The following HRG variants were observed in gnomAD, a reference collection of about 807,000 sequenced individuals.
The protein encoded by HRG is histidine rich glycoprotein.
A neutral mutation model predicts 29.5 loss-of-function variants in HRG; 26 were observed. The ratio of observed to expected loss-of-function variants is 0.88; its 90% CI spans 0.65 to 1.22. The LOEUF (loss-of-function observed/expected upper bound fraction) is 1.22. Ranked by LOEUF, HRG falls within the 50% of genes most tolerant of loss-of-function variation. The pLI is 0.00. For missense variants in HRG, 671 were observed against 654.5 expected, an observed-to-expected ratio of 1.03 and a Z score of -0.28; for synonymous variants, 243 against 240.4, an observed-to-expected ratio of 1.01 and a Z score of -0.10.
intron 1 of HRG, among the ~76,000 whole-genome samples, chr3:186,668,225 G>A (rs1438300654): frequency 1.3e-5 from 2 of 152,182 alleles, no homozygotes; most frequent in African/African-American, 4.8e-5. Context: ...GGAAACTGAG[G>A]CAAGAGACAG....
At chr3:186,676,344 G>T (rs1040758584) in intron 6 of HRG, among the ~76,000 whole-genome samples, 3 of 151,326 alleles carry the variant, frequency 2.0e-5, no homozygotes, top group African/African-American at 7.3e-5. Context: ...TCATAATATT[G>T]TTTCACCACT....
chr3:186,667,566 G>A (rs1718653495), intron 1 of HRG, among the ~76,000 whole-genome samples: 1 of 151,952 alleles, frequency 6.6e-6, no homozygotes, highest in Admixed American at 6.6e-5. Context: ...TAAATGTACT[G>A]GAGCAATTTA....
intron 6 of HRG, 145 bp downstream of exon 6, chr3:186,675,335 G>A: frequency 1.5e-6 from 1 of 672,578 alleles, no homozygotes; most frequent in South Asian, 1.5e-5. Flanking sequence ...GAGAGAGACA[G>A]AGACAGAGAC....
At chr3:186,671,557 C>G in intron 3 of HRG, 66 bp from the exon 4 acceptor site, 1 of 1,507,096 alleles carries the variant, frequency 6.6e-7, no homozygotes, top group Non-Finnish European at 9.2e-7. Flanking sequence ...TATTGTCATT[C>G]TTGCCACCAA....
intron 6 of HRG, among the ~76,000 whole-genome samples, chr3:186,676,297 C>A (rs1718986673): frequency 6.6e-6 from 1 of 151,890 alleles, no homozygotes; most frequent in Non-Finnish European, 1.5e-5. Context: ...TTATAAGGCA[C>A]TAGTTTTCCA....
chr3:186,674,065 T>C (rs1337869175), intron 5 of HRG: 2 of 152,202 alleles, frequency 1.3e-5, no homozygotes, highest in East Asian at 1.9e-4. Flanking sequence ...CCAGGATTTT[T>C]CTGAGGTTTA....
At chr3:186,668,811 A>G in intron 1 of HRG, 124 bp from the exon 2 acceptor site, 4 of 682,278 alleles carry the variant, frequency 5.9e-6, no homozygotes, top group Admixed American at 2.2e-5. Flanking sequence ...AAGGTAGAGC[A>G]TCTGCAAAGA....
chr3:186,675,313 G>GAC, intron 6 of HRG, 123 bp downstream of exon 6: 2 of 665,552 alleles, frequency 3.0e-6, no homozygotes, highest in Admixed American at 2.1e-5. Context: ...GTGTGTGAGA[G>GAC]AGAGAGAGAG....
chr3:186,673,145 C>T (rs1451300006), intron 5 of HRG: 4 of 491,052 alleles, frequency 8.1e-6, no homozygotes, highest in Non-Finnish European at 7.5e-6. Context: ...CTCTTGTTGC[C>T]CAGGTTGGAG....
rs771990041 is a variant in HRG, at chr3:186,669,998, G to A, written c.361G>A (p.Val121Met). 10 of 1,591,714 alleles carry A rather than the reference G, an allele frequency of 6.3e-6. No individual in the cohort carries two copies. The South Asian group carries it at 1.1e-4, about 18-fold the overall frequency. ...RHSHESQDLR[V>M]IDFNCTTSSV... ...TTCCCATGAATCTCAGGACCTCAGA[G>A]TGATTGACTTTAACTGCACCACAAG... is the stretch of plus-strand genomic sequence containing the variant. The change falls in exon 3 of 7, where the codon GTG (valine) becomes ATG (methionine). Residue 121 changes from valine (V) to methionine (M), a missense_variant. Physicochemically the swap from Val to Met is conservative, Grantham distance 21. Coordinates refer to ENST00000232003, the MANE Select transcript of HRG (RefSeq NM_000412.5).
intron 4 of HRG, among the ~76,000 whole-genome samples, 183 bp from the exon 5 acceptor site, chr3:186,672,604 G>A (rs11708856): frequency 6.6e-6 from 1 of 152,060 alleles, no homozygotes; most frequent in African/African-American, 2.4e-5. Flanking sequence ...CAGTGAACTG[G>A]TATTCACCTT....
Position 186,675,125 on chromosome 3 carries a change from G to A in HRG, c.676G>A (p.Val226Ile). 1 of 1,613,836 alleles carries A rather than the reference G, an allele frequency of 6.2e-7. No homozygotes were observed. The highest frequency in any genetic ancestry group is 8.5e-7 in the Non-Finnish European group (1 of 1,179,752). ...GFCRADLFYD[V>I]EALDLESPKN... ...CTGCAGAGCAGATTTGTTCTATGAT[G>A]TAGAAGCCTTGGACTTGGAAAGCCC... Residue 226 changes from valine (V) to isoleucine (I), a missense_variant, in exon 6 of 7, where the codon GTA becomes ATA. By Grantham distance (29) the Val-to-Ile change is conservative (BLOSUM62 3). Transcript: ENST00000232003.
chr3:186,674,755 G>GC, intron 5 of HRG: 1 of 363,834 alleles, frequency 2.7e-6, no homozygotes, highest in Admixed American at 3.8e-5. Flanking sequence ...CTAGGCACAG[G>GC]CAACTGAGGT....
At chr3:186,667,420 G>A (rs531222511) in intron 1 of HRG, among the ~76,000 whole-genome samples, 13 of 152,244 alleles carry the variant, frequency 8.5e-5, no homozygotes, top group South Asian at 2.1e-4. Flanking sequence ...AGAACAAAGG[G>A]CAGAAGGTCA....
Position 186,678,030 on chromosome 3 carries a change from T to A in HRG, c.*147T>A. ...AATGTGAATGGGAAAAGAGATGGCCTGAGAAGAGAGATCAAATGGAAAGGA... is the reference window on the plus strand; with the variant it reads ...AATGTGAATGGGAAAAGAGATGGCCAGAGAAGAGAGATCAAATGGAAAGGA... On this transcript the variant is annotated 3_prime_UTR_variant, in exon 7 of 7. Coordinates refer to ENST00000232003, the MANE Select transcript of HRG (RefSeq NM_000412.5). The A allele has an allele frequency of 1.3e-6, 1 of 783,572 alleles. No homozygotes were observed. Among genetic ancestry groups the A allele is most frequent in the Non-Finnish European group, 2.1e-6 (1 of 483,870 alleles). 48.5% of individuals were successfully genotyped at this position (783,572 alleles called of 1,614,324 possible).
chr3:186,675,105 G>C lies in HRG; in HGVS notation c.656G>C (p.Arg219Thr). The C allele has an allele frequency of 1.9e-6, 3 of 1,613,082 alleles. No individual in the cohort carries two copies. The highest frequency in any genetic ancestry group is 2.5e-6 in the Non-Finnish European group (3 of 1,179,052). The change falls in exon 6 of 7, where the codon AGA becomes ACA. Residue 219 changes from arginine to threonine, a missense_variant. Physicochemically the swap from Arg to Thr is moderately conservative, Grantham distance 71. Transcript: ENST00000232003. ...PRHPNVFGFC[R>T]ADLFYDVEAL... ...CCTTTGTAGGTCTTTGGATTCTGCA[G>C]AGCAGATTTGTTCTATGATGTAGAA...
chr3:186,668,067 G>A (rs1188638630), intron 1 of HRG, among the ~76,000 whole-genome samples: 1 of 152,176 alleles, frequency 6.6e-6, no homozygotes, highest in East Asian at 1.9e-4. Context: ...GTGTGCAGGA[G>A]TTTAGGATTC....
chr3:186,670,578 G>A (rs116297009), intron 3 of HRG, among the ~76,000 whole-genome samples: 1,576 of 152,128 alleles, frequency 0.01, 10 homozygotes, highest in Middle Eastern at 0.027. Context: ...ACAGAGTGTC[G>A]CTCTTGCTAC....
At chr3:186,674,606 G>A (rs1718908865) in intron 5 of HRG, 2 of 234,396 alleles carry the variant, frequency 8.5e-6, no homozygotes, top group Non-Finnish European at 1.7e-5. Context: ...GCACTTGGGT[G>A]GAGTCAGCAG....
Sources: allele counts gnomAD v4.1 joint callset (sites outside exome capture counted in the v4.1 genomes callset), GRCh38; gene constraint gnomAD v4.1.1; transcripts MANE v1.5; gene names NCBI Gene and HGNC (gene_info 2026-07-23, HGNC 2026-07-21).